CA10: variants seen among roughly 807,000 people sequenced by gnomAD.
CA10 encodes carbonic anhydrase-related protein 10.
CA10 carries 14 observed loss-of-function variants against 44.2 expected under a neutral mutation model. The observed-to-expected ratio is 0.32, with a 90% CI of 0.21 to 0.50. The LOEUF (loss-of-function observed/expected upper bound fraction) is 0.50. Among genes scored for constraint, CA10 ranks in the 20% least tolerant of loss-of-function variants. The pLI, the probability that CA10 is intolerant of heterozygous loss-of-function variation, is 0.99. For missense variants in CA10, 350 were observed against 409.7 expected (o/e 0.85, Z 1.26); for synonymous variants, 159 against 141.6 (o/e 1.12, Z -0.87).
intron 2 of CA10, among the ~76,000 whole-genome samples, chr17:52,057,754 C>T (rs1365545041): frequency 6.6e-6 from 1 of 152,076 alleles, no homozygotes; most frequent in African/African-American, 2.4e-5. Flanking sequence ...ATTTCCAGCA[C>T]CTGGGGATAA....
At chr17:51,844,181 A>C (rs900963512) in intron 3 of CA10, among the ~76,000 whole-genome samples, 4 of 152,196 alleles carry the variant, frequency 2.6e-5, no homozygotes, top group Non-Finnish European at 5.9e-5. Flanking sequence ...GGAAATTTTT[A>C]AGGATAATGA....
chr17:52,026,976 G>T (rs2144164891), intron 2 of CA10, among the ~76,000 whole-genome samples: 1 of 152,190 alleles, frequency 6.6e-6, no homozygotes, highest in East Asian at 1.9e-4. Flanking sequence ...CACATTTATT[G>T]TGTGCTTGAT....
At chr17:51,816,349 C>G (rs1907564304) in intron 3 of CA10, among the ~76,000 whole-genome samples, 1 of 152,172 alleles carries the variant, frequency 6.6e-6, no homozygotes, top group African/African-American at 2.4e-5. Context: ...CAAATCTTAG[C>G]TATTGTGAAC....
intron 3 of CA10, among the ~76,000 whole-genome samples, chr17:51,887,424 T>C (rs1185311235): frequency 6.6e-6 from 1 of 152,162 alleles, no homozygotes; most frequent in African/African-American, 2.4e-5. Flanking sequence ...GTAGAAACTC[T>C]GGGCAGCCAT....
At chr17:52,102,893 CAT>C (rs1470261232) in intron 1 of CA10, among the ~76,000 whole-genome samples, 2 of 152,180 alleles carry the variant, frequency 1.3e-5, no homozygotes. Flanking sequence ...TGTCATCCCA[CAT>C]ATATTCTTAT....
rs868737538 is a variant in CA10, at chr17:51,716,215, C to G, written c.465+31418G>C. ...GGGGACGGTCCCCTGGGTCACCTTA[C>G]TCAGCAGTTCTCCCTCTAGATTTGA... is the stretch of plus-strand genomic sequence containing the variant. On this transcript the variant is annotated intron_variant, in intron 4 of 8. Coordinates refer to ENST00000451037, the MANE Select transcript of CA10 (RefSeq NM_020178.5). 8.5e-4 allele frequency among the ~76,000 whole-genome samples: 129 copies of G among 152,260 alleles called. 1 individual carries two copies. Among genetic ancestry groups the G allele is most frequent in the African/African-American group, 2.8e-3 (118 of 41,552 alleles).
At chr17:52,153,416 T>C (rs754745570) in intron 1 of CA10, among the ~76,000 whole-genome samples, 8 of 152,162 alleles carry the variant, frequency 5.3e-5, no homozygotes, top group Non-Finnish European at 1.0e-4. Context: ...GGGTCTATAC[T>C]GCATTGTAAT....
At chr17:51,931,751 A>G (rs1982671177) in intron 2 of CA10, among the ~76,000 whole-genome samples, 1 of 152,168 alleles carries the variant, frequency 6.6e-6, no homozygotes, top group African/African-American at 2.4e-5. Flanking sequence ...TTCATTTGAT[A>G]GGCAGAAAAA....
chr17:51,756,060 GC>G (rs1905066034), intron 3 of CA10, among the ~76,000 whole-genome samples: 4 of 143,406 alleles, frequency 2.8e-5, no homozygotes, highest in African/African-American at 5.5e-5. Flanking sequence ...GTCTTCTTCA[GC>G]AGATTTTTTT....
intron 3 of CA10, among the ~76,000 whole-genome samples, chr17:51,763,580 C>T (rs1450983558): frequency 6.6e-6 from 1 of 152,170 alleles, no homozygotes; most frequent in Non-Finnish European, 1.5e-5. Flanking sequence ...CTTTCCGTCC[C>T]ACATTCACCA....
At chr17:51,875,507 C>T (rs536056980) in intron 3 of CA10, among the ~76,000 whole-genome samples, 4 of 152,292 alleles carry the variant, frequency 2.6e-5, no homozygotes, top group African/African-American at 9.6e-5. Flanking sequence ...CATGTGGAGG[C>T]AGCTTTATGC....
At chr17:51,820,285 T>C (rs1907720831) in intron 3 of CA10, among the ~76,000 whole-genome samples, 3 of 147,864 alleles carry the variant, frequency 2.0e-5, no homozygotes, top group Middle Eastern at 3.5e-3. Flanking sequence ...TTCTTGTGCA[T>C]GTACAGTGAA....
chr17:51,914,074 T>C (rs956923352), intron 3 of CA10, among the ~76,000 whole-genome samples: 6 of 152,138 alleles, frequency 3.9e-5, no homozygotes, highest in East Asian at 3.9e-4. Flanking sequence ...GCCAGTCCTT[T>C]GAGGCTCATG....
intron 4 of CA10, among the ~76,000 whole-genome samples, chr17:51,720,092 T>C (rs1187952935): frequency 6.6e-6 from 1 of 152,326 alleles, no homozygotes; most frequent in African/African-American, 2.4e-5. Flanking sequence ...TATTTGGTTT[T>C]TGTCTGTGGT....
chr17:52,048,433 A>G (rs905666970), intron 2 of CA10, among the ~76,000 whole-genome samples: 1 of 152,064 alleles, frequency 6.6e-6, no homozygotes, highest in Non-Finnish European at 1.5e-5. Context: ...GGGTGGAAAG[A>G]TACAAATTAC....
chr17:52,063,774 T>C (rs1289002976), intron 2 of CA10, among the ~76,000 whole-genome samples: 2 of 152,116 alleles, frequency 1.3e-5, no homozygotes, highest in African/African-American at 2.4e-5. Context: ...CAAATGAATC[T>C]CTTTATCTCA....
intron 3 of CA10, among the ~76,000 whole-genome samples, chr17:51,853,929 T>C (rs745306033): frequency 1.3e-5 from 2 of 152,182 alleles, no homozygotes; most frequent in Non-Finnish European, 2.9e-5. Flanking sequence ...TTAAACCTCT[T>C]TCCTTTATAA....
intron 3 of CA10, among the ~76,000 whole-genome samples, chr17:51,833,664 T>C (rs1475342445): frequency 6.6e-6 from 1 of 152,188 alleles, no homozygotes; most frequent in Non-Finnish European, 1.5e-5. Flanking sequence ...AAGGGTACTG[T>C]GTAGTAGTCT....
rs150107733 is a variant in CA10 at position 51,915,214 on chromosome 17, T to C, written c.279+15776A>G. On this transcript the variant is annotated intron_variant, in intron 3 of 8. Transcript: ENST00000451037. ...CTCATATCTGTTGATGTCTCAAGCATCCTACAGGGATGTTACACCATCCAC... is the reference window on the plus strand; with the variant it reads ...CTCATATCTGTTGATGTCTCAAGCACCCTACAGGGATGTTACACCATCCAC... 3.6e-4 allele frequency among the ~76,000 whole-genome samples: 55 copies of C among 152,302 alleles called. No homozygotes were observed. In the East Asian group the frequency reaches 7.9e-3, roughly 22 times the overall value.
Sources: allele counts gnomAD v4.1 joint callset (sites outside exome capture counted in the v4.1 genomes callset), GRCh38; gene constraint gnomAD v4.1.1; transcripts MANE v1.5; gene names NCBI Gene and HGNC (gene_info 2026-07-23, HGNC 2026-07-21).